The following ENTHD1 variants were observed in gnomAD, a reference collection of about 807,000 sequenced individuals.
ENTHD1 encodes ENTH domain-containing protein 1.
A neutral mutation model predicts 39.1 loss-of-function variants in ENTHD1; 23 were observed. The observed-to-expected ratio is 0.59, with a 90% CI of 0.42 to 0.83. The LOEUF is 0.83. ENTHD1 is among the 40% of genes least tolerant of loss of function. The pLI is 0.00. For synonymous variants in ENTHD1, 230 were observed against 258.2 expected, an observed-to-expected ratio of 0.89 and a Z score of 1.05; for missense variants, 624 against 705.4, an observed-to-expected ratio of 0.88 and a Z score of 1.31.
intron 5 of ENTHD1, among the ~76,000 whole-genome samples, chr22:39,780,354 G>A (rs2065398875): frequency 6.7e-6 from 1 of 149,412 alleles, no homozygotes; most frequent in African/African-American, 2.4e-5. Flanking sequence ...TCCAGCCTGG[G>A]TGACAGAGCA....
Position 39,887,675 on chromosome 22 carries a change from G to A in ENTHD1, c.74C>T (p.Thr25Ile). 1 of 1,601,292 alleles carries A rather than the reference G, an allele frequency of 6.2e-7. No individual in the cohort carries two copies. Among genetic ancestry groups the A allele is most frequent in the Non-Finnish European group, 8.5e-7 (1 of 1,175,772 alleles). ...AGAGGGACCCCAAGGGTCGTTAGAAGTTGCTTCCCTGACTTTTATTTCAGC... is the reference window on the plus strand; with the variant it reads ...AGAGGGACCCCAAGGGTCGTTAGAAATTGCTTCCCTGACTTTTATTTCAGC... ...SDAEIKVREA[T>I]SNDPWGPSSS... Residue 25 changes from threonine to isoleucine, a missense_variant, in exon 2 of 7, where the codon ACT (threonine) becomes ATT (isoleucine). By Grantham distance (89) the Thr-to-Ile change is moderately conservative. Coordinates refer to ENST00000325157, the MANE Select transcript of ENTHD1 (RefSeq NM_152512.4).
At chr22:39,839,189 CA>C (rs372120060) in intron 3 of ENTHD1, among the ~76,000 whole-genome samples, 316 of 148,982 alleles carry the variant, frequency 2.1e-3, no homozygotes, top group African/African-American at 7.5e-3. Flanking sequence ...TTATGCAAAA[CA>C]AAAAAAAATA....
chr22:39,867,672 A>G lies in ENTHD1; in HGVS notation c.350-5665T>C, dbSNP rs976173737. Among the ~76,000 whole-genome samples the G allele has an allele frequency of 6.6e-6, 1 of 151,948 alleles. No individual in the cohort carries two copies. Among genetic ancestry groups the G allele is most frequent in the Non-Finnish European group, 1.5e-5 (1 of 67,976 alleles). On this transcript the variant is annotated intron_variant, in intron 2 of 6. Coordinates refer to ENST00000325157, the MANE Select transcript of ENTHD1 (RefSeq NM_152512.4). This position sits in a 1 kb window ranked among gnomAD's most constrained non-coding sequence, Gnocchi z 4.5. ...GGTAACGCGGTGGGGGTAGAAAGGG[A>G]GGGGAGAAGTATCTAAAATATCTGA...
intron 1 of ENTHD1, 108 bp downstream of exon 1, chr22:39,893,587 C>T (rs2066447134): frequency 6.6e-6 from 1 of 152,382 alleles, no homozygotes; most frequent in Non-Finnish European, 1.5e-5. Context: ...GCCCTCCCGC[C>T]CCCACCTGGA....
At chr22:39,847,170 C>G (rs1354062373) in intron 3 of ENTHD1, among the ~76,000 whole-genome samples, 4 of 151,878 alleles carry the variant, frequency 2.6e-5, no homozygotes, top group African/African-American at 9.7e-5. Context: ...CACATATACA[C>G]CATGGAATAC....
chr22:39,793,415 G>T (rs2065521496), intron 5 of ENTHD1, among the ~76,000 whole-genome samples: 2 of 145,424 alleles, frequency 1.4e-5, no homozygotes, highest in Admixed American at 6.9e-5. Context: ...TTAATAATTT[G>T]CAAATATTTT....
At chr22:39,842,524 C>T (rs12157426) in intron 3 of ENTHD1, among the ~76,000 whole-genome samples, 2,131 of 152,202 alleles carry the variant, frequency 0.014, 53 homozygotes, top group African/African-American at 0.049. Flanking sequence ...TCCAGTTGAT[C>T]GCACCATTCA....
intron 3 of ENTHD1, among the ~76,000 whole-genome samples, chr22:39,861,387 A>G (rs1205559366): frequency 3.9e-5 from 6 of 152,056 alleles, no homozygotes; most frequent in Admixed American, 1.3e-4. Flanking sequence ...TAAAAATACA[A>G]AAATTAGCTG....
At chr22:39,786,003 G>A (rs2146593148) in intron 5 of ENTHD1, among the ~76,000 whole-genome samples, 1 of 152,242 alleles carries the variant, frequency 6.6e-6, no homozygotes, top group South Asian at 2.1e-4. Context: ...AGAAAAGAGA[G>A]GCTTTTAAAC....
rs996359432 is a variant in ENTHD1, at chr22:39,752,308, A to C, written c.1220-8025T>G. 8.5e-5 allele frequency among the ~76,000 whole-genome samples: 13 copies of C among 152,232 alleles called. No homozygotes were observed. In the South Asian group the frequency reaches 2.7e-3, roughly 31 times the overall value. On this transcript the variant is annotated intron_variant, in intron 6 of 6. Coordinates refer to ENST00000325157, the MANE Select transcript of ENTHD1 (RefSeq NM_152512.4). ...GGCTAAGTGAAATAAGTCAGACACA[A>C]AAGGCCACATATTGCATGATTCCAT...
chr22:39,754,627 T>A (rs2065171286), intron 6 of ENTHD1, among the ~76,000 whole-genome samples: 1 of 152,202 alleles, frequency 6.6e-6, no homozygotes, highest in African/African-American at 2.4e-5. Context: ...TCCTTTTTCC[T>A]CCTTCCTTAC....
At chr22:39,847,181 T>C (rs2065995851) in intron 3 of ENTHD1, among the ~76,000 whole-genome samples, 1 of 152,040 alleles carries the variant, frequency 6.6e-6, no homozygotes, top group Non-Finnish European at 1.5e-5. Flanking sequence ...CATGGAATAC[T>C]ATGCAGCCAT....
intron 5 of ENTHD1, among the ~76,000 whole-genome samples, chr22:39,798,005 T>C (rs1193411009): frequency 6.6e-6 from 1 of 152,234 alleles, no homozygotes; most frequent in Non-Finnish European, 1.5e-5. Context: ...TTTCAGCTAT[T>C]ATTTTGTTAA....
intron 5 of ENTHD1, among the ~76,000 whole-genome samples, chr22:39,789,402 C>T (rs1011107444): frequency 1.1e-4 from 16 of 152,082 alleles, no homozygotes; most frequent in African/African-American, 1.7e-4. Flanking sequence ...GGCTTCCATT[C>T]GTACCTTTCA....
At chr22:39,852,023 A>G (rs1378695662) in intron 3 of ENTHD1, among the ~76,000 whole-genome samples, 2 of 152,128 alleles carry the variant, frequency 1.3e-5, no homozygotes, top group Non-Finnish European at 2.9e-5. Context: ...ATCTCTCTAT[A>G]TGCATGTATA....
chr22:39,878,893 C>A (rs1251214259), intron 2 of ENTHD1, among the ~76,000 whole-genome samples: 1 of 151,834 alleles, frequency 6.6e-6, no homozygotes, highest in Non-Finnish European at 1.5e-5. Flanking sequence ...ATACAAGGGA[C>A]AGGAAGAAGA....
In ENTHD1 at chr22:39,887,757, C is replaced by G; in HGVS notation, c.-9G>C. On this transcript the variant is annotated 5_prime_UTR_variant, in exon 2 of 7. Coordinates refer to ENST00000325157, the MANE Select transcript of ENTHD1 (RefSeq NM_152512.4). Reference sequence around the variant, plus strand: ...TGTCTCCTGAACGCCATAAGTAATACAAGTTCCAAGGTGAGATGGAGGATG... The same window carrying G: ...TGTCTCCTGAACGCCATAAGTAATAGAAGTTCCAAGGTGAGATGGAGGATG... 1 of 1,533,936 alleles carries G rather than the reference C, an allele frequency of 6.5e-7. No homozygotes were observed. The highest frequency in any genetic ancestry group is 8.8e-7 in the Non-Finnish European group (1 of 1,140,688).
chr22:39,773,516 A>G (rs1000840332), intron 5 of ENTHD1, among the ~76,000 whole-genome samples: 1 of 152,206 alleles, frequency 6.6e-6, no homozygotes, highest in Non-Finnish European at 1.5e-5. Context: ...TTTAGAAAAC[A>G]TACTTCAAAT....
chr22:39,767,821 T>TA (rs35820900), intron 5 of ENTHD1, among the ~76,000 whole-genome samples: 6 of 152,152 alleles, frequency 3.9e-5, no homozygotes, highest in African/African-American at 1.4e-4. Context: ...TAAGGTTTAG[T>TA]AAAAAAGTTT....
Sources: gnomAD v4.1 joint callset for allele counts (sites outside exome capture counted in the v4.1 genomes callset) on GRCh38, gnomAD v4.1.1 for gene constraint, Gnocchi (gnomAD v3.1) non-coding constraint, MANE v1.5 for transcripts, NCBI Gene and HGNC (gene_info 2026-07-23, HGNC 2026-07-21) for gene names.